SLC4A4: variants seen among roughly 807,000 people sequenced by gnomAD.
SLC4A4 encodes electrogenic sodium bicarbonate cotransporter 1.
SLC4A4 carries 27 observed loss-of-function variants against 111.5 expected under a neutral mutation model. The ratio of observed to expected loss-of-function variants is 0.24; its 90% CI spans 0.18 to 0.33. The LOEUF is 0.33. Ranked by LOEUF, SLC4A4 falls within the 10% of genes least tolerant of loss-of-function variation. The pLI is 1.00. For missense variants in SLC4A4, 909 were observed against 1,315.5 expected, an observed-to-expected ratio of 0.69 and a Z score of 4.78; for synonymous variants, 443 against 463.4, an observed-to-expected ratio of 0.96 and a Z score of 0.57.
intron 1 of SLC4A4, among the ~76,000 whole-genome samples, chr4:71,226,155 A>G (rs1326006305): frequency 2.0e-5 from 3 of 151,988 alleles, no homozygotes; most frequent in Non-Finnish European, 2.9e-5. Flanking sequence ...TTTTTTAGAG[A>G]TAGATCTCAC....
At chr4:71,543,703 C>T in intron 18 of SLC4A4, among the ~76,000 whole-genome samples, 1 of 152,026 alleles carries the variant, frequency 6.6e-6, no homozygotes, top group Non-Finnish European at 1.5e-5. Flanking sequence ...GTGTCCACAT[C>T]CTTAGATTAC....
chr4:71,155,104 G>C (rs1320580754), intron 2 of SLC4A4, among the ~76,000 whole-genome samples: 1 of 137,570 alleles, frequency 7.3e-6, no homozygotes, highest in African/African-American at 2.7e-5. Context: ...GTGTGTGTGT[G>C]TATGTATGTG....
intron 1 of SLC4A4, among the ~76,000 whole-genome samples, chr4:71,224,674 G>T (rs2149026391): frequency 6.6e-6 from 1 of 152,348 alleles, no homozygotes; most frequent in Middle Eastern, 3.4e-3. Flanking sequence ...ATTGCTACAG[G>T]ATGCTCCGGT....
intron 1 of SLC4A4, among the ~76,000 whole-genome samples, chr4:71,202,007 T>C (rs1746277400): frequency 6.6e-6 from 1 of 152,146 alleles, no homozygotes; most frequent in Non-Finnish European, 1.5e-5. Context: ...TGCTGTTGAG[T>C]TGGAGACTGG....
intron 1 of SLC4A4, among the ~76,000 whole-genome samples, chr4:71,086,617 G>A (rs187810931): frequency 0.014 from 2,144 of 152,078 alleles, 73 homozygotes; most frequent in African/African-American, 0.047. Context: ...AGCATGAAGG[G>A]TTGTTGAATT....
chr4:71,516,989 A>G (rs1293183544), intron 16 of SLC4A4, among the ~76,000 whole-genome samples: 1 of 152,064 alleles, frequency 6.6e-6, no homozygotes, highest in Non-Finnish European at 1.5e-5. Flanking sequence ...ACTCTCTTGT[A>G]TGTGATTTGC....
At chr4:71,219,032 A>G (rs1718589961) in intron 1 of SLC4A4, among the ~76,000 whole-genome samples, 1 of 152,184 alleles carries the variant, frequency 6.6e-6, no homozygotes. Context: ...TTATTCTTCT[A>G]GGATCACAGG....
At chr4:71,166,697 C>T (rs1043953090) in intron 2 of SLC4A4, among the ~76,000 whole-genome samples, 2 of 152,202 alleles carry the variant, frequency 1.3e-5, no homozygotes, top group Admixed American at 1.3e-4. Context: ...TTTGAATACA[C>T]AGTACTATCA....
At chr4:71,382,508 C>T (rs141218656) in intron 6 of SLC4A4, among the ~76,000 whole-genome samples, 65 of 152,316 alleles carry the variant, frequency 4.3e-4, no homozygotes, top group African/African-American at 1.5e-3. Flanking sequence ...ACACAATCCT[C>T]ACGCTTTTTC....
At position 71,544,829 on chromosome 4, in the gene SLC4A4, A is replaced by G. The variant is rs1263364150; in HGVS notation, c.2443-1521A>G. On this transcript the variant is annotated intron_variant, in intron 18 of 25. Transcript: ENST00000264485. ...CATATTTTATTTATTTATGGTATTC[A>G]TTGTTGTCTCCCTCAGTAGAATGGA... Among the ~76,000 whole-genome samples, 5 of 152,088 alleles carry G rather than the reference A, an allele frequency of 3.3e-5. No individual in the cohort carries two copies. The East Asian group carries it at 9.7e-4, about 30-fold the overall frequency.
At chr4:71,192,641 C>CCT (rs1745782920) in intron 1 of SLC4A4, among the ~76,000 whole-genome samples, 1 of 152,078 alleles carries the variant, frequency 6.6e-6, no homozygotes, top group Non-Finnish European at 1.5e-5. Context: ...CTTCTCCCTC[C>CCT]CCCACTTTCT....
At chr4:71,124,681 A>T (rs1306395513) in intron 2 of SLC4A4, among the ~76,000 whole-genome samples, 1 of 152,324 alleles carries the variant, frequency 6.6e-6, no homozygotes, top group African/African-American at 2.4e-5. Context: ...CATTGCTAAA[A>T]TTATTTACCA....
chr4:71,130,277 G>A (rs1055704406), intron 2 of SLC4A4, among the ~76,000 whole-genome samples: 1 of 151,952 alleles, frequency 6.6e-6, no homozygotes, highest in Non-Finnish European at 1.5e-5. Flanking sequence ...TTGCTTGGGT[G>A]GGGGTGCAGT....
intron 14 of SLC4A4, among the ~76,000 whole-genome samples, chr4:71,476,337 A>G (rs1199327273): frequency 6.6e-6 from 1 of 151,788 alleles, no homozygotes; most frequent in Non-Finnish European, 1.5e-5. Context: ...TCAAGTAAAT[A>G]TTCTAAAAAT....
At chr4:71,216,579 CA>C (rs1463280993) in intron 1 of SLC4A4, among the ~76,000 whole-genome samples, 14 of 152,272 alleles carry the variant, frequency 9.2e-5, no homozygotes, top group Admixed American at 2.0e-4. Flanking sequence ...CTGCAAGGTT[CA>C]AAAGAGGGAA....
At chr4:71,405,774 A>T (rs1458054729) in intron 7 of SLC4A4, among the ~76,000 whole-genome samples, 1 of 152,224 alleles carries the variant, frequency 6.6e-6, no homozygotes, top group African/African-American at 2.4e-5. Flanking sequence ...TAGTGATTCA[A>T]AATGAAAAGA....
chr4:71,387,560 T>A (rs1471082635), intron 6 of SLC4A4, among the ~76,000 whole-genome samples: 1 of 152,086 alleles, frequency 6.6e-6, no homozygotes, highest in Non-Finnish European at 1.5e-5. Context: ...AATGGTGTGA[T>A]CTTGGCTCAC....
chr4:71,544,566 C>A (rs373619199), intron 18 of SLC4A4, among the ~76,000 whole-genome samples: 1 of 151,990 alleles, frequency 6.6e-6, no homozygotes, highest in African/African-American at 2.4e-5. Flanking sequence ...AGAACCCAAC[C>A]GCTTCTTACC....
chr4:71,111,543 T>G (rs1743088511), intron 2 of SLC4A4, among the ~76,000 whole-genome samples: 2 of 142,960 alleles, frequency 1.4e-5, no homozygotes, highest in African/African-American at 5.2e-5. Flanking sequence ...TTTTTTTTTT[T>G]TTTTTTTTTG....
Sources: gnomAD v4.1 joint callset for allele counts (sites outside exome capture counted in the v4.1 genomes callset) on GRCh38, gnomAD v4.1.1 for gene constraint, MANE v1.5 for transcripts, NCBI Gene and HGNC (gene_info 2026-07-23, HGNC 2026-07-21) for gene names.